PC: variants seen among roughly 807,000 people sequenced by gnomAD.
The protein encoded by PC is pyruvate carboxylase.
A neutral mutation model predicts 107.8 loss-of-function variants in PC; 46 were observed. The ratio of observed to expected loss-of-function variants is 0.43; its 90% CI spans 0.34 to 0.55. The LOEUF is 0.55. Among genes scored for constraint, PC ranks in the 20% least tolerant of loss-of-function variants. The pLI, the probability that PC is intolerant of heterozygous loss-of-function variation, is 0.04. For missense variants in PC, 1,241 were observed against 1,643.1 expected, an observed-to-expected ratio of 0.76 and a Z score of 4.23; for synonymous variants, 662 against 684.7, an observed-to-expected ratio of 0.97 and a Z score of 0.52.
rs989074622 is a variant in PC, at chr11:66,928,402, A to C, written c.-1+24028T>G. Among the ~76,000 whole-genome samples the C allele has an allele frequency of 2.0e-5, 3 of 151,300 alleles. No individual in the cohort carries two copies. In the South Asian group the frequency reaches 6.2e-4, roughly 32 times the overall value. Reference sequence around the variant, plus strand: ...CTCCATCTCAAAAAAAAAAAAAAAAACAAGAATCAGGCCAGCCTGAAATTA... The same window carrying C: ...CTCCATCTCAAAAAAAAAAAAAAAACCAAGAATCAGGCCAGCCTGAAATTA... On this transcript the variant is annotated intron_variant, in intron 3 of 22. Transcript: ENST00000393960.
intron 3 of PC, among the ~76,000 whole-genome samples, chr11:66,886,091 T>C (rs189220751): frequency 6.6e-6 from 1 of 151,294 alleles, no homozygotes; most frequent in Middle Eastern, 3.2e-3. Context: ...AAGTGAAGGA[T>C]GATGAGGCGG....
intron 3 of PC, among the ~76,000 whole-genome samples, chr11:66,921,489 C>G (rs1948594943): frequency 1.3e-5 from 2 of 152,128 alleles, no homozygotes; most frequent in African/African-American, 4.8e-5. Flanking sequence ...GCAAAGGACA[C>G]AAGCACAGAA....
intron 3 of PC, among the ~76,000 whole-genome samples, chr11:66,900,990 T>C (rs1947936955): frequency 6.6e-6 from 1 of 152,246 alleles, no homozygotes; most frequent in African/African-American, 2.4e-5. Flanking sequence ...TCTTTCCTAA[T>C]TGCCCTTTAT....
intron 3 of PC, among the ~76,000 whole-genome samples, chr11:66,895,749 A>T (rs1387461199): frequency 6.6e-6 from 1 of 152,182 alleles, no homozygotes; most frequent in East Asian, 1.9e-4. Context: ...GAGATCCAAA[A>T]ACTAAATAAT....
Position 66,944,960 on chromosome 11 carries a change from C to A in PC, c.-1+7470G>T, listed in dbSNP as rs1038050275. On this transcript the variant is annotated intron_variant, in intron 3 of 22. Coordinates refer to ENST00000393960, the MANE Select transcript of PC (RefSeq NM_001040716.2). ...TTCTGCATCTAGTTATCATCCAAGA[C>A]GCAGATTTCTAACAAGAATTTGATG... is the stretch of plus-strand genomic sequence containing the variant. 1.0e-4 allele frequency among the ~76,000 whole-genome samples: 12 copies of A among 117,752 alleles called. 3 individuals are homozygous for A. Among genetic ancestry groups the A allele is most frequent in the African/African-American group, 3.7e-4 (12 of 32,800 alleles). The allele number at this position is 117,752 out of a possible 152,430, so 77.2% of individuals were successfully genotyped here. A position where few individuals can be genotyped will look rare whatever the true frequency, so the allele number is the denominator to read the frequency against.
At chr11:66,930,866 T>C (rs1301136989) in intron 3 of PC, among the ~76,000 whole-genome samples, 1 of 151,892 alleles carries the variant, frequency 6.6e-6, no homozygotes, top group Non-Finnish European at 1.5e-5. Context: ...ACTGTGGATA[T>C]TCATTCAATG....
rs1372380598 is a variant in PC, at chr11:66,852,266, C to A, written c.1825+173G>T. 6.6e-6 allele frequency among the ~76,000 whole-genome samples: 1 copy of A among 152,244 alleles called. No individual in the cohort carries two copies. The highest frequency in any genetic ancestry group is 1.5e-5 in the Non-Finnish European group (1 of 68,046). ...GATGCACCTGGTCTCAGCTCTGCAA[C>A]CTCGTGCCGGCACCAGGCCTGGCCG... is the stretch of plus-strand genomic sequence containing the variant. On this transcript the variant is annotated intron_variant, in intron 15 of 22. Transcript: ENST00000393960. The surrounding 1 kb of genome is among the most constrained non-coding windows in gnomAD (Gnocchi z 4.7).
Position 66,857,269 on chromosome 11 carries a change from C to G in PC, c.1369-3886G>C, listed in dbSNP as rs1945916334. ...CCGGCCGGGCTCGCAGGGAGGCCGG[C>G]CCGCGCCCCCTGAGCGACGGACACC... On this transcript the variant is annotated intron_variant, in intron 12 of 22. Coordinates refer to ENST00000393960, the MANE Select transcript of PC (RefSeq NM_001040716.2). The surrounding 1 kb of genome is among the most constrained non-coding windows in gnomAD (Gnocchi z 7.1). The G allele has an allele frequency of 6.7e-6, 1 of 149,276 alleles. No individual in the cohort carries two copies. The highest frequency in any genetic ancestry group is 2.4e-5 in the African/African-American group (1 of 40,990). The allele number at this position is 149,276 out of a possible 1,614,324, so 9.2% of individuals were successfully genotyped here. A position where few individuals can be genotyped will look rare whatever the true frequency, so the allele number is the denominator to read the frequency against.
At chr11:66,893,262 A>G (rs1005733644) in intron 3 of PC, among the ~76,000 whole-genome samples, 1 of 152,116 alleles carries the variant, frequency 6.6e-6, no homozygotes. Context: ...ATTGGCAAAC[A>G]CTATAATCAA....
Position 66,871,008 on chromosome 11 carries a change from C to T in PC, c.633+44G>A. Reference sequence around the variant, plus strand: ...GAGTGGTCCGCCCCTGCCCCCACGGCAGGCTGCCCTGCCCTGCTCCCAGCC... The same window carrying T: ...GAGTGGTCCGCCCCTGCCCCCACGGTAGGCTGCCCTGCCCTGCTCCCAGCC... On this transcript the variant is annotated intron_variant, in intron 7 of 22. Coordinates refer to ENST00000393960, the MANE Select transcript of PC (RefSeq NM_001040716.2). This position sits in a 1 kb window ranked among gnomAD's most constrained non-coding sequence, Gnocchi z 7.4. The T allele has an allele frequency of 6.2e-7, 1 of 1,613,060 alleles. No homozygotes were observed. The highest frequency in any genetic ancestry group is 8.5e-7 in the Non-Finnish European group (1 of 1,179,604).
At position 66,850,557 on chromosome 11, in the gene PC, C is replaced by A. The variant is rs1264242836; in HGVS notation, c.2474-93G>T. ...CAGGTCCCATGTCTGACTCAGGTGA[C>A]AGAAGGCGGCAAGGCCAGAGCAGGG... On this transcript the variant is annotated intron_variant, in intron 18 of 22. Coordinates refer to ENST00000393960, the MANE Select transcript of PC (RefSeq NM_001040716.2). 7 of 1,606,044 alleles carry A rather than the reference C, an allele frequency of 4.4e-6. No individual in the cohort carries two copies. The East Asian group carries it at 1.3e-4, about 31-fold the overall frequency.
At chr11:66,912,638 T>C (rs1948363510) in intron 3 of PC, among the ~76,000 whole-genome samples, 1 of 152,180 alleles carries the variant, frequency 6.6e-6, no homozygotes, top group South Asian at 2.1e-4. Context: ...CTCTCCACCC[T>C]TTCCATTCCT....
chr11:66,871,512 C>T lies in PC; in HGVS notation c.322-32G>A, dbSNP rs771337303. 2 of 1,611,788 alleles carry T rather than the reference C, an allele frequency of 1.2e-6. No homozygotes were observed. The highest frequency in any genetic ancestry group is 2.2e-5 in the South Asian group (2 of 91,074). ...GTGGGGGTCAGGGAGAGGACGGTAC[C>T]TTGCAGTCCCTTCCAAGGCCTCGGC... On this transcript the variant is annotated intron_variant, in intron 5 of 22. Coordinates refer to ENST00000393960, the MANE Select transcript of PC (RefSeq NM_001040716.2). This position sits in a 1 kb window ranked among gnomAD's most constrained non-coding sequence, Gnocchi z 7.4.
At chr11:66,865,512 G>A (rs1326470469) in intron 11 of PC, among the ~76,000 whole-genome samples, 2 of 152,224 alleles carry the variant, frequency 1.3e-5, no homozygotes, top group Non-Finnish European at 2.9e-5. Flanking sequence ...GATGGGTTTC[G>A]GAGGCCAATG....
chr11:66,951,281 G>A (rs901101137), intron 3 of PC, among the ~76,000 whole-genome samples: 1 of 152,190 alleles, frequency 6.6e-6, no homozygotes, highest in Admixed American at 6.5e-5. Context: ...GAGCATTATT[G>A]TTGTCACAAA....
chr11:66,932,732 G>T (rs180981537), intron 3 of PC, among the ~76,000 whole-genome samples: 2 of 152,276 alleles, frequency 1.3e-5, no homozygotes, highest in African/African-American at 2.4e-5. Flanking sequence ...AAGCAATAAA[G>T]AAAGAAGCCA....
intron 3 of PC, among the ~76,000 whole-genome samples, chr11:66,918,896 T>C (rs1307828129): frequency 6.6e-6 from 1 of 151,728 alleles, no homozygotes; most frequent in Admixed American, 6.6e-5. Context: ...ATTCAGAACT[T>C]CTCCCTGGAA....
At chr11:66,953,261 G>A (rs1949481245) in intron 2 of PC, among the ~76,000 whole-genome samples, 1 of 152,190 alleles carries the variant, frequency 6.6e-6, no homozygotes, top group African/African-American at 2.4e-5. Flanking sequence ...CCGCAGAGCT[G>A]TCTCTAATCC....
chr11:66,915,279 G>C (rs751407991), intron 3 of PC, among the ~76,000 whole-genome samples: 1 of 152,350 alleles, frequency 6.6e-6, no homozygotes, highest in Non-Finnish European at 1.5e-5. Context: ...GGCACTGCCT[G>C]CTGCGAGAGG....
Sources: gnomAD v4.1 joint callset for allele counts (sites outside exome capture counted in the v4.1 genomes callset) on GRCh38, gnomAD v4.1.1 for gene constraint, Gnocchi (gnomAD v3.1) non-coding constraint, MANE v1.5 for transcripts, NCBI Gene and HGNC (gene_info 2026-07-23, HGNC 2026-07-21) for gene names.